The following WASF3 variants were observed in gnomAD, a reference collection of about 807,000 sequenced individuals.
The protein encoded by WASF3 is actin-binding protein WASF3.
In WASF3, 11 loss-of-function variants were observed where a neutral mutation model predicts 46.6. The observed-to-expected ratio is 0.24, with a 90% confidence interval of 0.15 to 0.39. The LOEUF (loss-of-function observed/expected upper bound fraction) is 0.39. Ranked by LOEUF, WASF3 falls within the 10% of genes least tolerant of loss-of-function variation. WASF3 has a pLI of 1.00. For missense variants in WASF3, 576 were observed against 669.8 expected (o/e 0.86, Z 1.55); for synonymous variants, 242 against 259.7 (o/e 0.93, Z 0.65).
chr13:26,656,882 CTAAT>C lies in WASF3; in HGVS notation c.134-8142_134-8139del, dbSNP rs548752149. ...ACATCAAGAAAAAAACGAGATCATA[CTAAT>C]TAAAGAAATAAATACAGTCCAAAAC... On this transcript the variant is annotated intron_variant, in intron 3 of 9. Coordinates refer to ENST00000335327, the MANE Select transcript of WASF3 (RefSeq NM_006646.6). Among the ~76,000 whole-genome samples the C allele has an allele frequency of 1.8e-4, 28 of 152,082 alleles. 1 individual carries two copies. The South Asian group carries it at 3.7e-3, about 20-fold the overall frequency.
chr13:26,654,149 C>T (rs775758553), intron 3 of WASF3, among the ~76,000 whole-genome samples: 5 of 152,070 alleles, frequency 3.3e-5, no homozygotes, highest in Non-Finnish European at 7.4e-5. Flanking sequence ...CACCGACCCC[C>T]GCCCCAACAC....
chr13:26,666,271 T>C (rs1011051774), intron 4 of WASF3, among the ~76,000 whole-genome samples: 1 of 152,246 alleles, frequency 6.6e-6, no homozygotes, highest in Non-Finnish European at 1.5e-5. Context: ...TAGCTATTCA[T>C]CTTTCTTCAA....
rs560488748 is a variant in WASF3, at chr13:26,635,512, G to A, written c.-10-6749G>A. ...TGTCAACTCGTCAAAGTCATTCTCC[G>A]TCCAGCTTTGTTCCATTGCTGGCAA... On this transcript the variant is annotated intron_variant, in intron 2 of 9. Transcript: ENST00000335327. Among the ~76,000 whole-genome samples, 245 of 152,242 alleles carry A rather than the reference G, an allele frequency of 1.6e-3. 3 individuals carry two copies. The highest frequency in any genetic ancestry group is 2.9e-3 in the Admixed American group (44 of 15,300).
chr13:26,597,960 T>C (rs1438449896), intron 1 of WASF3, among the ~76,000 whole-genome samples: 1 of 152,236 alleles, frequency 6.6e-6, no homozygotes, highest in Non-Finnish European at 1.5e-5. Flanking sequence ...GCATGATTTA[T>C]AATCCTTTGG....
At chr13:26,683,514 AC>A (rs1158633447) in intron 9 of WASF3, among the ~76,000 whole-genome samples, 2 of 151,870 alleles carry the variant, frequency 1.3e-5, no homozygotes, top group African/African-American at 4.8e-5. Context: ...GTTTTTACTT[AC>A]CTTGAAACCA....
intron 1 of WASF3, among the ~76,000 whole-genome samples, chr13:26,586,351 C>A (rs1880126574): frequency 6.6e-6 from 1 of 151,868 alleles, no homozygotes; most frequent in Non-Finnish European, 1.5e-5. Flanking sequence ...TGATTTTTTT[C>A]TCCTAATGAG....
chr13:26,569,000 TAGTAA>T (rs1255601418), intron 1 of WASF3, among the ~76,000 whole-genome samples: 2 of 152,316 alleles, frequency 1.3e-5, no homozygotes, highest in Middle Eastern at 3.4e-3. Context: ...GGACAGGTGA[TAGTAA>T]AGTATTTTGG....
chr13:26,632,753 G>C (rs1239826559), intron 2 of WASF3, among the ~76,000 whole-genome samples: 2 of 152,274 alleles, frequency 1.3e-5, no homozygotes, highest in East Asian at 3.9e-4. Context: ...AATGGTACCA[G>C]CTCCTCTTTG....
chr13:26,564,416 C>T (rs557135815), intron 1 of WASF3, among the ~76,000 whole-genome samples: 6 of 152,324 alleles, frequency 3.9e-5, no homozygotes, highest in East Asian at 1.9e-4. Flanking sequence ...ACTGGCTGTC[C>T]TCTCACAGCC....
At chr13:26,676,976 T>TG (rs1263331027) in intron 7 of WASF3, among the ~76,000 whole-genome samples, 1 of 152,240 alleles carries the variant, frequency 6.6e-6, no homozygotes, top group Admixed American at 6.5e-5. Flanking sequence ...TTCATCTAGA[T>TG]GTAGTGTTTT....
chr13:26,601,286 G>A (rs1364466009), intron 1 of WASF3, among the ~76,000 whole-genome samples: 3 of 152,136 alleles, frequency 2.0e-5, no homozygotes, highest in African/African-American at 7.2e-5. Flanking sequence ...TAACTTACTG[G>A]AGTGCTTTAA....
intron 1 of WASF3, among the ~76,000 whole-genome samples, chr13:26,606,086 C>A (rs1372219917): frequency 6.6e-6 from 1 of 152,126 alleles, no homozygotes; most frequent in Non-Finnish European, 1.5e-5. Flanking sequence ...AGTAACAGTA[C>A]TTGGTGCTCT....
At chr13:26,640,449 T>C (rs1881962668) in intron 2 of WASF3, 1 of 151,796 alleles carries the variant, frequency 6.6e-6, no homozygotes, top group Non-Finnish European at 1.5e-5. Context: ...TCACCCAGGC[T>C]GGAGTGCAGT....
intron 4 of WASF3, among the ~76,000 whole-genome samples, chr13:26,665,948 C>G (rs909930707): frequency 1.3e-5 from 2 of 152,048 alleles, no homozygotes; most frequent in Admixed American, 1.3e-4. Flanking sequence ...GCTCTTGTTG[C>G]TTTGAAAAGA....
chr13:26,573,384 A>G (rs1036400519), intron 1 of WASF3, among the ~76,000 whole-genome samples: 2 of 152,126 alleles, frequency 1.3e-5, no homozygotes, highest in African/African-American at 2.4e-5. Context: ...TAAAATATAC[A>G]TAACATTAAG....
At chr13:26,666,866 C>CAAAAAAAAAA (rs1168774717) in intron 4 of WASF3, among the ~76,000 whole-genome samples, 4 of 62,806 alleles carry the variant, frequency 6.4e-5, no homozygotes, top group African/African-American at 2.0e-4. Flanking sequence ...AAGACTGTCT[C>CAAAAAAAAAA]AAAAAAAAAA....
chr13:26,681,162 C>T lies in WASF3; in HGVS notation c.825C>T (p.His275=), dbSNP rs374111218. Residue 275 remains histidine (H), a synonymous_variant, in exon 8 of 10, where the codon CAC becomes CAT. Coordinates refer to ENST00000335327, the MANE Select transcript of WASF3 (RefSeq NM_006646.6). ...ATGCAGCTGGTGACGTGCCACCACA[C>T]GGGCCTGCAAGCCAGGCTGCGGAGC... The part of the protein sequence containing the change: ...PSYAAGDVPP[H]GPASQAAEHE... 46 of 1,614,078 alleles carry T rather than the reference C, an allele frequency of 2.8e-5. No individual in the cohort carries two copies. Among genetic ancestry groups the T allele is most frequent in the Non-Finnish European group, 3.6e-5 (43 of 1,180,032 alleles).
At chr13:26,610,829 C>T (rs189573454) in intron 1 of WASF3, among the ~76,000 whole-genome samples, 59 of 152,252 alleles carry the variant, frequency 3.9e-4, no homozygotes, top group Admixed American at 3.6e-3. Context: ...CACTTAGCAG[C>T]CTTAACCTGT....
chr13:26,676,808 A>G (rs3794413), intron 7 of WASF3, 84 bp downstream of exon 7: 372,807 of 1,356,522 alleles, frequency 0.27, 55,198 homozygotes, highest in East Asian at 0.59. Flanking sequence ...AAATGCATCA[A>G]TAGCTTCGGG....
Sources: gnomAD v4.1 joint callset for allele counts (sites outside exome capture counted in the v4.1 genomes callset) on GRCh38, gnomAD v4.1.1 for gene constraint, MANE v1.5 for transcripts, NCBI Gene and HGNC (gene_info 2026-07-23, HGNC 2026-07-21) for gene names.